The following SGCD variants were observed in gnomAD, a reference collection of about 807,000 sequenced individuals.
SGCD encodes delta-sarcoglycan.
In SGCD, 18 loss-of-function variants were observed where a neutral mutation model predicts 36.6. That is an observed-to-expected ratio of 0.49 (90% CI 0.34 to 0.73). SGCD has a LOEUF of 0.73. Ranked by LOEUF, SGCD falls within the 30% of genes least tolerant of loss-of-function variation. SGCD has a pLI of 0.01. For synonymous variants in SGCD, 133 were observed against 130.6 expected (o/e 1.02, Z -0.12); for missense variants, 387 against 346.7 (o/e 1.12, Z -0.92).
chr5:156,477,385 A>G (rs923184055), intron 3 of SGCD, among the ~76,000 whole-genome samples: 3 of 152,194 alleles, frequency 2.0e-5, no homozygotes, highest in Admixed American at 1.3e-4. Context: ...TTGGATAAAC[A>G]TAGGACAGGC....
intron 3 of SGCD, among the ~76,000 whole-genome samples, chr5:156,173,815 T>C (rs1227718899): frequency 3.8e-5 from 5 of 132,820 alleles, no homozygotes; most frequent in East Asian, 2.8e-4. Flanking sequence ...ATCCTTTTGA[T>C]AGTAAATTAA....
rs80072297 is a variant in SGCD, at chr5:156,616,971, T to A, written c.502+21920T>A. On this transcript the variant is annotated intron_variant, in intron 6 of 8. Transcript: ENST00000337851. ...CTAAAATATCTACTATCTGGCCCTT[T>A]ACAAAAAAAAAGTTTGCCAGTTCCT... Among the ~76,000 whole-genome samples the A allele has an allele frequency of 3.9e-5, 6 of 152,222 alleles. 1 individual carries two copies. The highest frequency in any genetic ancestry group is 3.9e-4 in the Admixed American group (6 of 15,298).
intron 3 of SGCD, among the ~76,000 whole-genome samples, chr5:156,391,532 T>A (rs1427522574): frequency 2.0e-5 from 3 of 152,246 alleles, no homozygotes; most frequent in Admixed American, 6.5e-5. Context: ...GACTTTTTAC[T>A]TGTCATTATT....
chr5:156,611,894 A>G (rs1160406316), intron 6 of SGCD, among the ~76,000 whole-genome samples: 1 of 152,022 alleles, frequency 6.6e-6, no homozygotes, highest in Non-Finnish European at 1.5e-5. Context: ...TTTTTGTTTC[A>G]TTTATTGAAT....
At chr5:156,634,327 G>A (rs1762743352) in intron 6 of SGCD, among the ~76,000 whole-genome samples, 1 of 152,196 alleles carries the variant, frequency 6.6e-6, no homozygotes, top group East Asian at 1.9e-4. Context: ...ATTCCTGGGT[G>A]ATGAGTTGAT....
In SGCD at chr5:156,340,814, A is replaced by G. The variant is rs544287351; in HGVS notation, c.4-3675A>G. 2.0e-5 allele frequency among the ~76,000 whole-genome samples: 3 copies of G among 152,232 alleles called. No homozygotes were observed. The South Asian group carries it at 6.2e-4, about 32-fold the overall frequency. The stretch of plus-strand genomic sequence containing the variant: ...GAATAAGAAGAATGATAGATTGGAG[A>G]TTGTCATTCATCTTTGTTTTTATCT... On this transcript the variant is annotated intron_variant, in intron 2 of 8. Transcript: ENST00000337851.
At chr5:156,109,289 C>T (rs564566338) in intron 1 of SGCD, among the ~76,000 whole-genome samples, 1 of 152,240 alleles carries the variant, frequency 6.6e-6, no homozygotes, top group East Asian at 1.9e-4. Context: ...TTGACTTCAT[C>T]TTCTCCCTTT....
intron 3 of SGCD, among the ~76,000 whole-genome samples, chr5:156,300,511 G>C (rs1230600499): frequency 6.6e-6 from 1 of 151,982 alleles, no homozygotes; most frequent in African/African-American, 2.4e-5. Flanking sequence ...AATGTTTTCA[G>C]ACTTGTTTTG....
chr5:156,388,484 G>A (rs1771395630), intron 3 of SGCD, among the ~76,000 whole-genome samples: 1 of 152,140 alleles, frequency 6.6e-6, no homozygotes, highest in Non-Finnish European at 1.5e-5. Context: ...CATTTGCAAG[G>A]GCCTGAAGGT....
intron 3 of SGCD, among the ~76,000 whole-genome samples, chr5:156,213,881 G>A (rs775630628): frequency 1.3e-5 from 2 of 151,794 alleles, no homozygotes; most frequent in East Asian, 1.9e-4. Flanking sequence ...TGATCATCTC[G>A]ATAGATTTGA....
intron 3 of SGCD, among the ~76,000 whole-genome samples, chr5:156,124,575 C>T (rs1368316): frequency 0.44 from 67,238 of 151,922 alleles, 15,628 homozygotes; most frequent in African/African-American, 0.58. Flanking sequence ...ATCACAGTAA[C>T]GATAGACACT....
Position 156,647,560 on chromosome 5 carries a change from A to G in SGCD, c.575+24A>G, listed in dbSNP as rs1484992244. 4.1e-6 allele frequency: 6 copies of G among 1,472,760 alleles called. No homozygotes were observed. The Admixed American group carries it at 9.6e-5, about 24-fold the overall frequency. 91.2% of individuals were successfully genotyped at this position (1,472,760 alleles called of 1,614,324 possible). A position where few individuals can be genotyped will look rare whatever the true frequency, so the allele number is the denominator to read the frequency against. On this transcript the variant is annotated intron_variant, in intron 7 of 8. Coordinates refer to ENST00000337851, the MANE Select transcript of SGCD (RefSeq NM_000337.6). ...AGGTAAACTTCTGACTTTGGTTTGC[A>G]TTGATTAATGGCTATTGCCTTGCTC...
At chr5:155,872,711 A>C (rs1755680998) in intron 1 of SGCD, among the ~76,000 whole-genome samples, 1 of 152,138 alleles carries the variant, frequency 6.6e-6, no homozygotes, top group African/African-American at 2.4e-5. Flanking sequence ...TGCTGTACCA[A>C]GGGAATTAAC....
intron 1 of SGCD, among the ~76,000 whole-genome samples, chr5:156,081,915 T>G (rs1760964675): frequency 6.6e-6 from 1 of 152,082 alleles, no homozygotes; most frequent in Non-Finnish European, 1.5e-5. Flanking sequence ...TCCTTCTTCT[T>G]ACGGGAAAGG....
At chr5:155,989,609 A>T (rs1436164995) in intron 1 of SGCD, among the ~76,000 whole-genome samples, 1 of 152,172 alleles carries the variant, frequency 6.6e-6, no homozygotes, top group Admixed American at 6.6e-5. Flanking sequence ...ACAAATTACT[A>T]ACTGCTATTA....
chr5:156,225,081 G>T (rs960250732), intron 3 of SGCD, among the ~76,000 whole-genome samples: 1 of 151,936 alleles, frequency 6.6e-6, no homozygotes, highest in African/African-American at 2.4e-5. Flanking sequence ...ATCACCAATG[G>T]CATTGTTGTG....
chr5:156,454,192 C>T (rs979420432), intron 3 of SGCD, among the ~76,000 whole-genome samples: 2 of 152,154 alleles, frequency 1.3e-5, no homozygotes, highest in Non-Finnish European at 2.9e-5. Context: ...TTTTGTTTCT[C>T]AACTCCAAGA....
chr5:156,536,460 G>A (rs1758118027), intron 4 of SGCD, among the ~76,000 whole-genome samples: 2 of 152,150 alleles, frequency 1.3e-5, no homozygotes, highest in African/African-American at 4.8e-5. Flanking sequence ...GCATTTATTT[G>A]ACCATGTCAT....
At chr5:156,692,228 A>T (rs1387124517) in intron 7 of SGCD, among the ~76,000 whole-genome samples, 1 of 152,220 alleles carries the variant, frequency 6.6e-6, no homozygotes, top group African/African-American at 2.4e-5. Context: ...TTTATAAGAC[A>T]ATGAGAATGA....
Sources: allele counts gnomAD v4.1 joint callset (sites outside exome capture counted in the v4.1 genomes callset), GRCh38; gene constraint gnomAD v4.1.1; transcripts MANE v1.5; gene names NCBI Gene and HGNC (gene_info 2026-07-23, HGNC 2026-07-21).